The following BEND6 variants were observed in gnomAD, a reference collection of about 807,000 sequenced individuals.
BEND6 encodes the protein BEN domain-containing protein 6.
In BEND6, 24 loss-of-function variants were observed where a neutral mutation model predicts 31.8. The ratio of observed to expected loss-of-function variants is 0.75; its 90% CI spans 0.55 to 1.06. The LOEUF (loss-of-function observed/expected upper bound fraction) is 1.06. BEND6 is among the 50% of genes least tolerant of loss of function. BEND6 has a pLI of 0.00. For missense variants in BEND6, 294 were observed against 327.4 expected (o/e 0.90, Z 0.79); for synonymous variants, 109 against 114.6 (o/e 0.95, Z 0.31).
intron 1 of BEND6, among the ~76,000 whole-genome samples, chr6:56,966,925 C>T (rs1345958011): frequency 6.6e-6 from 1 of 152,148 alleles, no homozygotes; most frequent in African/African-American, 2.4e-5. Flanking sequence ...AAATAAACCC[C>T]TTTGCCACTG....
At chr6:57,020,119 C>T (rs1827691399) in intron 6 of BEND6, among the ~76,000 whole-genome samples, 1 of 152,174 alleles carries the variant, frequency 6.6e-6, no homozygotes, top group Non-Finnish European at 1.5e-5. Flanking sequence ...GATAAGGTTA[C>T]CTGTATCTTT....
intron 1 of BEND6, among the ~76,000 whole-genome samples, chr6:56,965,271 G>T (rs978651499): frequency 5.3e-5 from 8 of 151,832 alleles, no homozygotes; most frequent in African/African-American, 1.9e-4. Context: ...CAGGTAAGAC[G>T]GGAACTCCAC....
intron 3 of BEND6, among the ~76,000 whole-genome samples, chr6:56,994,658 G>C (rs78587576): frequency 0.014 from 2,178 of 151,972 alleles, 51 homozygotes; most frequent in African/African-American, 0.05. Context: ...CTAATTAGTA[G>C]AAATGCTTTA....
chr6:57,000,576 A>C (rs567615127), intron 3 of BEND6, among the ~76,000 whole-genome samples: 1 of 150,184 alleles, frequency 6.7e-6, no homozygotes, highest in South Asian at 2.1e-4. Context: ...ATAAATACTA[A>C]AAAAACAAAC....
At chr6:57,010,443 G>A (rs572409300) in intron 3 of BEND6, 1 of 153,708 alleles carries the variant, frequency 6.5e-6, no homozygotes, top group East Asian at 1.9e-4. Flanking sequence ...TTTTTTAAAC[G>A]ATATTAAAAA....
chr6:57,002,471 C>A (rs1826979279), intron 3 of BEND6, among the ~76,000 whole-genome samples: 2 of 152,092 alleles, frequency 1.3e-5, no homozygotes, highest in African/African-American at 4.8e-5. Flanking sequence ...GGCCACAGAG[C>A]AAATCTCAAT....
chr6:56,984,828 G>T lies in BEND6; in HGVS notation c.120+2898G>T, dbSNP rs184221761. On this transcript the variant is annotated intron_variant, in intron 2 of 6. Coordinates refer to ENST00000370746, the MANE Select transcript of BEND6 (RefSeq NM_152731.3). ...GCATCTGAAGCTTACCACTGGGCTG[G>T]ATCCCATTATCTGTCAAGAACACTT... Among the ~76,000 whole-genome samples, 552 of 152,260 alleles carry T rather than the reference G, an allele frequency of 3.6e-3. 2 individuals carry two copies. The highest frequency in any genetic ancestry group is 0.017 in the Middle Eastern group (5 of 294).
In BEND6 at chr6:56,955,238, C is replaced by T. The variant is rs1467245882; in HGVS notation, c.-323C>T. 1.3e-5 allele frequency: 2 copies of T among 152,042 alleles called. No homozygotes were observed. The highest frequency in any genetic ancestry group is 4.8e-5 in the African/African-American group (2 of 41,418). 9.4% of individuals were successfully genotyped at this position (152,042 alleles called of 1,614,324 possible). A position where few individuals can be genotyped will look rare whatever the true frequency, so the allele number is the denominator to read the frequency against. ...GGGGCCGCCCGCCAGTCCGCGCCGT[C>T]CGCGGGTGCATTGGCCGGGTGCCTC... On this transcript the variant is annotated 5_prime_UTR_variant, in exon 1 of 7. Coordinates refer to ENST00000370746, the MANE Select transcript of BEND6 (RefSeq NM_152731.3).
chr6:56,969,566 CT>C (rs959946716), intron 1 of BEND6, among the ~76,000 whole-genome samples: 1 of 152,092 alleles, frequency 6.6e-6, no homozygotes, highest in African/African-American at 2.4e-5. Flanking sequence ...CAATCCAAAA[CT>C]TTTGAAACCT....
intron 2 of BEND6, among the ~76,000 whole-genome samples, chr6:56,982,166 C>T (rs918701683): frequency 6.6e-6 from 1 of 152,112 alleles, no homozygotes; most frequent in African/African-American, 2.4e-5. Context: ...AGTGATCCTC[C>T]CACGTCAGCC....
intron 2 of BEND6, among the ~76,000 whole-genome samples, chr6:56,984,226 C>CA (rs1204048610): frequency 3.0e-4 from 32 of 105,162 alleles, no homozygotes; most frequent in Admixed American, 7.6e-4. Context: ...GTCTCAACAA[C>CA]AAAAAAAAAA....
intron 1 of BEND6, among the ~76,000 whole-genome samples, chr6:56,961,404 T>C (rs558579856): frequency 6.6e-6 from 1 of 152,278 alleles, no homozygotes; most frequent in South Asian, 2.1e-4. Flanking sequence ...TTAAACATAT[T>C]GGGAGGGAGA....
chr6:57,021,762 A>G (rs1354384460), intron 6 of BEND6, among the ~76,000 whole-genome samples: 1 of 152,220 alleles, frequency 6.6e-6, no homozygotes, highest in Non-Finnish European at 1.5e-5. Flanking sequence ...GCCTCAGGGT[A>G]TATAATCTCT....
chr6:56,961,647 T>C (rs530705526), intron 1 of BEND6, among the ~76,000 whole-genome samples: 2 of 152,298 alleles, frequency 1.3e-5, no homozygotes, highest in African/African-American at 4.8e-5. Flanking sequence ...TAGTCTTGGG[T>C]TCACAGTCTG....
chr6:57,023,322 C>T (rs935235870), intron 6 of BEND6, among the ~76,000 whole-genome samples: 1 of 152,196 alleles, frequency 6.6e-6, no homozygotes, highest in Admixed American at 6.5e-5. Context: ...TGTGCATAGA[C>T]ATTTTAAACT....
chr6:57,004,914 G>A, intron 3 of BEND6: 1 of 558,414 alleles, frequency 1.8e-6, no homozygotes, highest in Non-Finnish European at 3.2e-6. Flanking sequence ...TCAGGAGGAT[G>A]AGGCAAGAGA....
At chr6:56,971,916 C>T (rs1048628173) in intron 1 of BEND6, among the ~76,000 whole-genome samples, 5 of 151,886 alleles carry the variant, frequency 3.3e-5, no homozygotes, top group Admixed American at 6.6e-5. Flanking sequence ...GCCTTTTTAA[C>T]TCTGTTAATA....
At chr6:57,004,297 C>T (rs1827065171) in intron 3 of BEND6, among the ~76,000 whole-genome samples, 1 of 152,222 alleles carries the variant, frequency 6.6e-6, no homozygotes, top group African/African-American at 2.4e-5. Flanking sequence ...CAAACATCTC[C>T]TCGAAACGAT....
intron 3 of BEND6, chr6:57,008,907 G>C (rs771490952): frequency 2.6e-5 from 4 of 152,136 alleles, no homozygotes; most frequent in Non-Finnish European, 5.9e-5. Flanking sequence ...CAGATGAATA[G>C]ATAAAGAAAA....
Sources: gnomAD v4.1 joint callset for allele counts (sites outside exome capture counted in the v4.1 genomes callset) on GRCh38, gnomAD v4.1.1 for gene constraint, MANE v1.5 for transcripts, NCBI Gene and HGNC (gene_info 2026-07-23, HGNC 2026-07-21) for gene names.